The following MYO3A variants were observed in gnomAD, a reference collection of about 807,000 sequenced individuals.
The protein encoded by MYO3A is myosin-IIIa.
In MYO3A, 180 loss-of-function variants were observed where a neutral mutation model predicts 192.7. That is an observed-to-expected ratio of 0.93 (90% CI 0.83 to 1.06). The LOEUF is 1.06. Ranked by LOEUF, MYO3A falls within the 50% of genes least tolerant of loss-of-function variation. The probability of loss-of-function intolerance (pLI) is 0.00; values close to 1 mark genes in which losing one functional copy is unlikely to be tolerated. For synonymous variants in MYO3A, 628 were observed against 645.3 expected, an observed-to-expected ratio of 0.97 and a Z score of 0.41; for missense variants, 1,896 against 1,905.0, an observed-to-expected ratio of 1.00 and a Z score of 0.09.
intron 2 of MYO3A, among the ~76,000 whole-genome samples, chr10:25,939,280 C>A (rs1275058456): frequency 1.3e-5 from 2 of 151,808 alleles, no homozygotes; most frequent in Non-Finnish European, 2.9e-5. Context: ...TGACAAGGAT[C>A]TCCCTATTTA....
intron 4 of MYO3A, among the ~76,000 whole-genome samples, chr10:25,956,140 G>A (rs1837521060): frequency 6.6e-6 from 1 of 152,078 alleles, no homozygotes; most frequent in Non-Finnish European, 1.5e-5. Context: ...TTTTAATAAG[G>A]ATCTTAAAAC....
intron 4 of MYO3A, among the ~76,000 whole-genome samples, chr10:25,958,332 A>G (rs866346256): frequency 6.6e-6 from 1 of 152,172 alleles, no homozygotes; most frequent in Non-Finnish European, 1.5e-5. Flanking sequence ...TCCCAGCACC[A>G]TTTATTGAAT....
chr10:25,962,098 C>T (rs183598438), intron 4 of MYO3A, among the ~76,000 whole-genome samples: 336 of 152,104 alleles, frequency 2.2e-3, no homozygotes, highest in African/African-American at 7.4e-3. Flanking sequence ...CTTTTCACAA[C>T]GAAAAATCAC....
intron 17 of MYO3A, among the ~76,000 whole-genome samples, chr10:26,111,411 T>A (rs1455039539): frequency 1.3e-5 from 2 of 152,172 alleles, no homozygotes; most frequent in African/African-American, 4.8e-5. Flanking sequence ...CACTTGAGTG[T>A]TTTGCTCTTG....
rs757703053 is a variant in MYO3A, at chr10:26,021,511, A to C, written c.594A>C (p.Ala198=). 4 of 1,614,080 alleles carry C rather than the reference A, an allele frequency of 2.5e-6. No homozygotes were observed. The Admixed American group carries it at 6.7e-5, about 27-fold the overall frequency. Residue 198 remains alanine (A), a synonymous_variant, in exon 8 of 35, where the codon GCA becomes GCC. Coordinates refer to ENST00000642920, the MANE Select transcript of MYO3A (RefSeq NM_017433.5). ...GTGTGGTTTTCTACTAGGTGATTGC[A>C]TGTGAACAGCAATTGGATACCACTT... ...TPFWMAPEVI[A]CEQQLDTTYD... is the part of the protein sequence containing the mutation.
chr10:26,105,002 C>A (rs111506694), intron 17 of MYO3A, among the ~76,000 whole-genome samples: 1 of 151,976 alleles, frequency 6.6e-6, no homozygotes, highest in Non-Finnish European at 1.5e-5. Context: ...TCTCACTCAG[C>A]AATACCTGTG....
Position 26,168,774 on chromosome 10 carries a change from G to A in MYO3A, c.3174G>A (p.Lys1058=), listed in dbSNP as rs1172704227. The A allele has an allele frequency of 6.8e-6, 11 of 1,613,344 alleles. No homozygotes were observed. Among genetic ancestry groups the A allele is most frequent in the Non-Finnish European group, 9.3e-6 (11 of 1,179,740 alleles). Residue 1058 remains lysine (K), a synonymous_variant, in exon 28 of 35, where the codon AAG becomes AAA. Transcript: ENST00000642920. The stretch of plus-strand genomic sequence containing the variant: ...TAATGCGAAAGGAAGCTATTGACAA[G>A]CTTATTTTGATTCAAGCTTGTGTCA... ...LNLMRKEAID[K]LILIQACVRA... is the part of the protein sequence containing the mutation.
chr10:26,008,928 C>T (rs868736401), intron 6 of MYO3A, among the ~76,000 whole-genome samples: 5,571 of 147,510 alleles, frequency 0.038, 152 homozygotes, highest in African/African-American at 0.061. Context: ...CACATGCACA[C>T]GTATGTTTAT....
At chr10:26,062,526 A>AAAC (rs1554816568) in intron 10 of MYO3A, among the ~76,000 whole-genome samples, 4 of 116,944 alleles carry the variant, frequency 3.4e-5, no homozygotes, top group South Asian at 2.9e-4. Context: ...AAAAAAAAAA[A>AAAC]AAAAAAATTA....
At chr10:26,138,325 G>A (rs559207907) in intron 20 of MYO3A, among the ~76,000 whole-genome samples, 1 of 152,268 alleles carries the variant, frequency 6.6e-6, no homozygotes, top group South Asian at 2.1e-4. Flanking sequence ...AATATTGGGG[G>A]CAGGTTCCCC....
In MYO3A at chr10:26,148,383, C is replaced by A. The variant is rs571091438; in HGVS notation, c.2635+824C>A. On this transcript the variant is annotated intron_variant, in intron 23 of 34. Coordinates refer to ENST00000642920, the MANE Select transcript of MYO3A (RefSeq NM_017433.5). ...ATTTATCTATCTTTAGGCTAATGCA[C>A]ACTTCTTGACTACTGTAGCTTTCTA... 7.9e-5 allele frequency among the ~76,000 whole-genome samples: 12 copies of A among 152,310 alleles called. No individual in the cohort carries two copies. In the South Asian group the frequency reaches 2.5e-3, roughly 32 times the overall value.
chr10:26,069,148 A>G (rs1194616945), intron 12 of MYO3A, among the ~76,000 whole-genome samples: 1 of 152,092 alleles, frequency 6.6e-6, no homozygotes, highest in Non-Finnish European at 1.5e-5. Context: ...ATATTGTATC[A>G]CTAAACAGAT....
chr10:26,096,501 T>C lies in MYO3A; in HGVS notation c.1661+22T>C, dbSNP rs780317611. ...CCAGGTAATCTACCAGGTTGAGCTTTCATCAATAATACTTTCACTTTTCCC... is the reference window on the plus strand; with the variant it reads ...CCAGGTAATCTACCAGGTTGAGCTTCCATCAATAATACTTTCACTTTTCCC... On this transcript the variant is annotated intron_variant, in intron 16 of 34. Coordinates refer to ENST00000642920, the MANE Select transcript of MYO3A (RefSeq NM_017433.5). 29 of 1,604,334 alleles carry C rather than the reference T, an allele frequency of 1.8e-5. No individual in the cohort carries two copies. In the Admixed American group the frequency reaches 4.8e-4, roughly 27 times the overall value.
chr10:26,024,825 G>A (rs1842467430), intron 9 of MYO3A, among the ~76,000 whole-genome samples: 3 of 152,176 alleles, frequency 2.0e-5, no homozygotes, highest in Admixed American at 2.0e-4. Context: ...CTGCCAAGCA[G>A]TTAGTATTCT....
At chr10:25,935,205 C>A (rs1260053648) in intron 1 of MYO3A, among the ~76,000 whole-genome samples, 1 of 152,188 alleles carries the variant, frequency 6.6e-6, no homozygotes, top group African/African-American at 2.4e-5. Flanking sequence ...AAAGTATGAT[C>A]ATTATTGAGA....
At chr10:26,012,005 A>G (rs971460503) in intron 6 of MYO3A, among the ~76,000 whole-genome samples, 1 of 152,214 alleles carries the variant, frequency 6.6e-6, no homozygotes, top group East Asian at 1.9e-4. Context: ...AAACCATATG[A>G]TCATCTCAAT....
At chr10:26,084,767 A>G (rs1220791497) in intron 14 of MYO3A, among the ~76,000 whole-genome samples, 3 of 152,130 alleles carry the variant, frequency 2.0e-5, no homozygotes, top group Non-Finnish European at 4.4e-5. Context: ...GCCTCTCAAA[A>G]TGCTGGAATT....
At chr10:26,075,615 T>TATG (rs1835488839) in intron 14 of MYO3A, among the ~76,000 whole-genome samples, 1 of 147,846 alleles carries the variant, frequency 6.8e-6, no homozygotes, top group Non-Finnish European at 1.5e-5. Context: ...CTCTCATATA[T>TATG]ATATGATATA....
Position 26,173,823 on chromosome 10 carries a change from C to G in MYO3A, c.3559C>G (p.Gln1187Glu). The G allele has an allele frequency of 6.2e-7, 1 of 1,614,016 alleles. No homozygotes were observed. Among genetic ancestry groups the G allele is most frequent in the East Asian group, 2.2e-5 (1 of 44,860 alleles). Residue 1187 changes from glutamine to glutamate, a missense_variant, in exon 30 of 35, where the codon CAG (glutamine) becomes GAG (glutamate). Physicochemically the swap from Gln to Glu is conservative, Grantham distance 29 (BLOSUM62 2). Transcript: ENST00000642920. ...NAVESNNRVY[Q>E]TPKKMNNVYE... ...TGTGGAGAGTAACAACAGAGTGTATCAGACTCCAAAAAAAATGAATAATGT... is the reference window on the plus strand; with the variant it reads ...TGTGGAGAGTAACAACAGAGTGTATGAGACTCCAAAAAAAATGAATAATGT...
Sources: allele counts gnomAD v4.1 joint callset (sites outside exome capture counted in the v4.1 genomes callset), GRCh38; gene constraint gnomAD v4.1.1; transcripts MANE v1.5; gene names NCBI Gene and HGNC (gene_info 2026-07-23, HGNC 2026-07-21).